EYA2: variants seen among roughly 807,000 people sequenced by gnomAD.
EYA2 encodes the protein protein phosphatase EYA2.
A neutral mutation model predicts 69.2 loss-of-function variants in EYA2; 31 were observed. The observed-to-expected ratio is 0.45, with a 90% confidence interval of 0.34 to 0.60. The LOEUF (loss-of-function observed/expected upper bound fraction) is 0.60, where lower values mean the gene tolerates loss of function less well. Ranked by LOEUF, EYA2 falls within the 20% of genes least tolerant of loss-of-function variation. The pLI is 0.02. For synonymous variants in EYA2, 257 were observed against 279.4 expected, an observed-to-expected ratio of 0.92 and a Z score of 0.80; for missense variants, 622 against 701.2, an observed-to-expected ratio of 0.89 and a Z score of 1.28.
At chr20:47,139,176 C>T (rs903631582) in intron 9 of EYA2, among the ~76,000 whole-genome samples, 1 of 152,158 alleles carries the variant, frequency 6.6e-6, no homozygotes, top group Non-Finnish European at 1.5e-5. Context: ...TGAACATCTT[C>T]GATATGTCCC....
intron 7 of EYA2, among the ~76,000 whole-genome samples, chr20:47,087,272 T>C (rs769295527): frequency 6.6e-6 from 1 of 152,214 alleles, no homozygotes; most frequent in African/African-American, 2.4e-5. Flanking sequence ...GCCAAGTCTT[T>C]TTAGACAAAG....
At chr20:47,061,202 C>T (rs903978754) in intron 5 of EYA2, among the ~76,000 whole-genome samples, 9 of 152,144 alleles carry the variant, frequency 5.9e-5, no homozygotes. Context: ...TGTCCTACCC[C>T]ATTTCCCTAG....
intron 1 of EYA2, among the ~76,000 whole-genome samples, chr20:46,943,534 A>G (rs1188740466): frequency 6.6e-6 from 1 of 152,190 alleles, no homozygotes; most frequent in East Asian, 1.9e-4. Context: ...TGTTGAATGA[A>G]TATCATAGCA....
chr20:46,991,796 C>T lies in EYA2; in HGVS notation c.109+1677C>T, dbSNP rs766660281. Among the ~76,000 whole-genome samples the T allele has an allele frequency of 4.6e-5, 7 of 151,844 alleles. No homozygotes were observed. In the South Asian group the frequency reaches 1.2e-3, roughly 27 times the overall value. The stretch of plus-strand genomic sequence containing the variant: ...CAGCCTAACCAACATGGTGAAACCT[C>T]GTCTCTATTAAAAATGCAAAAATTA... On this transcript the variant is annotated intron_variant, in intron 2 of 15. Coordinates refer to ENST00000327619, the MANE Select transcript of EYA2 (RefSeq NM_005244.5).
At chr20:46,963,939 G>A (rs775934759) in intron 1 of EYA2, among the ~76,000 whole-genome samples, 4 of 152,232 alleles carry the variant, frequency 2.6e-5, no homozygotes, top group African/African-American at 4.8e-5. Flanking sequence ...CACAGGCTTC[G>A]GGTCCTTGGT....
chr20:47,118,849 T>TG (rs1307201305), intron 9 of EYA2, among the ~76,000 whole-genome samples: 1 of 152,172 alleles, frequency 6.6e-6, no homozygotes, highest in Non-Finnish European at 1.5e-5. Flanking sequence ...TCCCCAGACT[T>TG]CCTTCGCCAA....
intron 1 of EYA2, among the ~76,000 whole-genome samples, chr20:46,897,823 A>C (rs1011254888): frequency 9.2e-5 from 14 of 152,246 alleles, no homozygotes; most frequent in African/African-American, 3.4e-4. Flanking sequence ...GGAAGTTGCG[A>C]CTGGGGTAGA....
chr20:46,933,470 GA>G (rs1435802474), intron 1 of EYA2, among the ~76,000 whole-genome samples: 16 of 152,350 alleles, frequency 1.1e-4, no homozygotes, highest in Non-Finnish European at 1.9e-4. Flanking sequence ...CAGTGGGCAA[GA>G]TCAGGTTGGT....
intron 15 of EYA2, among the ~76,000 whole-genome samples, chr20:47,183,995 C>G (rs1030310789): frequency 6.6e-6 from 1 of 152,102 alleles, no homozygotes; most frequent in African/African-American, 2.4e-5. Context: ...CCCATCTCTG[C>G]CTGGCAGCAA....
chr20:47,155,887 T>C (rs2033911974), intron 10 of EYA2, among the ~76,000 whole-genome samples: 1 of 150,572 alleles, frequency 6.6e-6, no homozygotes, highest in Non-Finnish European at 1.5e-5. Flanking sequence ...GAAAAGAGTC[T>C]TTCAGGGGGC....
chr20:47,074,429 G>C, intron 7 of EYA2, 94 bp downstream of exon 7: 1 of 1,324,886 alleles, frequency 7.5e-7, no homozygotes, highest in African/African-American at 1.5e-5. Context: ...GTAACAAACA[G>C]GTTACCCAAG....
intron 5 of EYA2, among the ~76,000 whole-genome samples, chr20:47,066,120 G>T (rs1210143873): frequency 6.6e-6 from 1 of 152,136 alleles, no homozygotes; most frequent in African/African-American, 2.4e-5. Context: ...TGGGCAGATT[G>T]CTTGAGCCCA....
chr20:47,080,276 A>G (rs541440789), intron 7 of EYA2, among the ~76,000 whole-genome samples: 1 of 152,196 alleles, frequency 6.6e-6, no homozygotes, highest in Admixed American at 6.5e-5. Context: ...GAAATTAAAA[A>G]GCACTTGGAA....
intron 1 of EYA2, among the ~76,000 whole-genome samples, chr20:46,982,602 A>G (rs6094536): frequency 0.062 from 9,405 of 152,038 alleles, 899 homozygotes; most frequent in African/African-American, 0.2. Flanking sequence ...TTTACCATGT[A>G]CCATGTTTCT....
chr20:47,145,858 G>A (rs949330683), intron 10 of EYA2, among the ~76,000 whole-genome samples: 2 of 151,528 alleles, frequency 1.3e-5, no homozygotes, highest in Admixed American at 1.3e-4. Context: ...CTGAGATCAA[G>A]CCACTGTATT....
chr20:47,102,523 C>T lies in EYA2; in HGVS notation c.888+5355C>T, dbSNP rs143308767. ...ATCATGCTGCATACCATGCAGGAAG[C>T]CAAAATCATTAATAGTACCAGCCAG... On this transcript the variant is annotated intron_variant, in intron 9 of 15. Transcript: ENST00000327619. Among the ~76,000 whole-genome samples, 318 of 152,284 alleles carry T rather than the reference C, an allele frequency of 2.1e-3. 4 individuals carry two copies. Among genetic ancestry groups the T allele is most frequent in the African/African-American group, 7.4e-3 (308 of 41,558 alleles).
At chr20:46,928,802 G>A (rs529646808) in intron 1 of EYA2, among the ~76,000 whole-genome samples, 1 of 152,336 alleles carries the variant, frequency 6.6e-6, no homozygotes, top group Non-Finnish European at 1.5e-5. Context: ...GAGTCAGGAT[G>A]CAGATGGGGT....
chr20:47,009,844 A>C (rs1982950538), intron 4 of EYA2, among the ~76,000 whole-genome samples: 1 of 152,258 alleles, frequency 6.6e-6, no homozygotes, highest in South Asian at 2.1e-4. Flanking sequence ...GCTGACCTTT[A>C]ATGTAGAGTA....
intron 7 of EYA2, among the ~76,000 whole-genome samples, chr20:47,085,149 T>TC (rs2031855504): frequency 6.6e-6 from 1 of 151,996 alleles, no homozygotes. Flanking sequence ...ATCCATTTTT[T>TC]CAAAAGTTAA....
Sources: gnomAD v4.1 joint callset for allele counts (sites outside exome capture counted in the v4.1 genomes callset) on GRCh38, gnomAD v4.1.1 for gene constraint, MANE v1.5 for transcripts, NCBI Gene and HGNC (gene_info 2026-07-23, HGNC 2026-07-21) for gene names.